PIRT: variants seen among roughly 807,000 people sequenced by gnomAD.
The protein encoded by PIRT is phosphoinositide-interacting protein.
In PIRT, 6 loss-of-function variants were observed where a neutral mutation model predicts 7.9. The ratio of observed to expected loss-of-function variants is 0.76; its 90% CI spans 0.42 to 1.51. The LOEUF (loss-of-function observed/expected upper bound fraction) is 1.51. Among genes scored for constraint, PIRT ranks in the 40% most tolerant of loss-of-function variants. PIRT has a pLI of 0.01. For missense variants in PIRT, 170 were observed against 172.9 expected (o/e 0.98, Z 0.09); for synonymous variants, 78 against 71.8 (o/e 1.09, Z -0.44).
At chr17:10,828,268 G>A (rs532070146) in intron 1 of PIRT, among the ~76,000 whole-genome samples, 2 of 152,166 alleles carry the variant, frequency 1.3e-5, no homozygotes, top group African/African-American at 4.8e-5. Context: ...GTTCTCTGAG[G>A]GTCCCTTGCC....
chr17:10,822,791 T>C lies in PIRT; in HGVS notation c.*2441A>G, dbSNP rs117260510. On this transcript the variant is annotated 3_prime_UTR_variant, in exon 2 of 2. Transcript: ENST00000580256. ...GGAACCTTTCCAGCCCACACTCATG[T>C]GGAGGATCCCAGTGGGGATGACGAT... 0.035 allele frequency: 5,333 copies of C among 152,308 alleles called. 119 individuals carry two copies. Among genetic ancestry groups the C allele is most frequent in the Middle Eastern group, 0.061 (18 of 294 alleles). 9.4% of individuals were successfully genotyped at this position (152,308 alleles called of 1,614,324 possible).
intron 1 of PIRT, among the ~76,000 whole-genome samples, chr17:10,827,633 C>T (rs766583493): frequency 6.6e-5 from 10 of 151,796 alleles, no homozygotes; most frequent in Admixed American, 2.0e-4. Context: ...CACCACCACA[C>T]GCAGCTAATT....
intron 1 of PIRT, among the ~76,000 whole-genome samples, chr17:10,835,695 G>A (rs1326456731): frequency 6.6e-6 from 1 of 152,262 alleles, no homozygotes; most frequent in South Asian, 2.1e-4. Context: ...CCAGCAAGCA[G>A]CAAGAGGCCA....
Position 10,825,717 on chromosome 17 carries a change from C to T in PIRT, c.-72G>A, listed in dbSNP as rs1384151400. 3.5e-6 allele frequency: 5 copies of T among 1,418,130 alleles called. No individual in the cohort carries two copies. Among genetic ancestry groups the T allele is most frequent in the Admixed American group, 2.9e-5 (1 of 34,524 alleles). 87.8% of individuals were successfully genotyped at this position (1,418,130 alleles called of 1,614,324 possible). A position where few individuals can be genotyped will look rare whatever the true frequency, so the allele number is the denominator to read the frequency against. ...GAGTGGAGCCAAAGGAATCCTCACA[C>T]ACCCTTCCTGTACTCAGCATCCATC... On this transcript the variant is annotated 5_prime_UTR_variant, in exon 2 of 2. It adds an upstream start codon to the 5' untranslated region. Coordinates refer to ENST00000580256, the MANE Select transcript of PIRT (RefSeq NM_001101387.2).
At chr17:10,829,043 T>C (rs111903946) in intron 1 of PIRT, among the ~76,000 whole-genome samples, 5 of 152,348 alleles carry the variant, frequency 3.3e-5, no homozygotes, top group African/African-American at 1.2e-4. Context: ...GGTGATTTTT[T>C]TCCCCCTGTG....
At chr17:10,832,603 TAAAC>T (rs1335047464) in intron 1 of PIRT, among the ~76,000 whole-genome samples, 1 of 152,236 alleles carries the variant, frequency 6.6e-6, no homozygotes, top group African/African-American at 2.4e-5. Context: ...ATAAAATGCT[TAAAC>T]AAAGACAATT....
At chr17:10,830,804 C>T (rs1290362483) in intron 1 of PIRT, among the ~76,000 whole-genome samples, 5 of 152,122 alleles carry the variant, frequency 3.3e-5, no homozygotes, top group Non-Finnish European at 7.4e-5. Flanking sequence ...GGCTTTTTAA[C>T]AATGGCACTG....
chr17:10,825,936 A>G (rs1350244548), intron 1 of PIRT, among the ~76,000 whole-genome samples, 153 bp from the exon 2 acceptor site: 1 of 152,150 alleles, frequency 6.6e-6, no homozygotes, highest in African/African-American at 2.4e-5. Context: ...CCATTTTAGA[A>G]ACAAACAAGT....
At chr17:10,830,692 C>T (rs899862278) in intron 1 of PIRT, among the ~76,000 whole-genome samples, 2 of 152,166 alleles carry the variant, frequency 1.3e-5, no homozygotes, top group African/African-American at 4.8e-5. Context: ...AGCTTGAAAT[C>T]TGAAAATTGA....
intron 1 of PIRT, among the ~76,000 whole-genome samples, chr17:10,835,743 C>T (rs964161983): frequency 6.6e-6 from 1 of 152,232 alleles, no homozygotes; most frequent in Non-Finnish European, 1.5e-5. Flanking sequence ...AAAGTCACCA[C>T]TGTCACCATG....
chr17:10,836,841 A>G (rs1905603759), intron 1 of PIRT, among the ~76,000 whole-genome samples: 1 of 152,172 alleles, frequency 6.6e-6, no homozygotes. Context: ...ATTCCTGTGG[A>G]AGACCCAGAG....
At position 10,837,927 on chromosome 17, in the gene PIRT, C is replaced by T. The variant is rs539150506; in HGVS notation, c.-139+18G>A. 1 of 152,268 alleles carries T rather than the reference C, an allele frequency of 6.6e-6. No homozygotes were observed. Among genetic ancestry groups the T allele is most frequent in the African/African-American group, 2.4e-5 (1 of 41,470 alleles). 9.4% of individuals were successfully genotyped at this position (152,268 alleles called of 1,614,324 possible). ...AGATGGAAGGAAGGGCAGAAGGAAA[C>T]ATTCCCTCCTTACTTACTGTCCTCG... On this transcript the variant is annotated intron_variant, in intron 1 of 1. Coordinates refer to ENST00000580256, the MANE Select transcript of PIRT (RefSeq NM_001101387.2).
At chr17:10,828,654 C>T (rs901075438) in intron 1 of PIRT, among the ~76,000 whole-genome samples, 2 of 152,152 alleles carry the variant, frequency 1.3e-5, no homozygotes, top group Admixed American at 6.5e-5. Context: ...ACACATGTTA[C>T]ACAGAGAGGA....
At chr17:10,835,666 C>T (rs766684532) in intron 1 of PIRT, among the ~76,000 whole-genome samples, 24 of 152,348 alleles carry the variant, frequency 1.6e-4, no homozygotes, top group Non-Finnish European at 2.8e-4. Context: ...CCAAGGACGC[C>T]GGGGTCCCCG....
At chr17:10,837,715 G>A (rs1369211775) in intron 1 of PIRT, among the ~76,000 whole-genome samples, 3 of 152,144 alleles carry the variant, frequency 2.0e-5, no homozygotes, top group Non-Finnish European at 2.9e-5. Flanking sequence ...ACAGCAAGGG[G>A]CGGCCCCCCT....
intron 1 of PIRT, among the ~76,000 whole-genome samples, chr17:10,833,895 C>T (rs1905522372): frequency 6.6e-6 from 1 of 152,020 alleles, no homozygotes; most frequent in African/African-American, 2.4e-5. Context: ...TGATGTTTAA[C>T]AGGAAAATAC....
At chr17:10,833,207 C>A (rs776253063) in intron 1 of PIRT, among the ~76,000 whole-genome samples, 23 of 152,102 alleles carry the variant, frequency 1.5e-4, no homozygotes, top group Non-Finnish European at 3.2e-4. Context: ...TTGACGTCAT[C>A]AACAAAAACT....
chr17:10,827,167 A>G (rs1170964806), intron 1 of PIRT, among the ~76,000 whole-genome samples: 1 of 152,110 alleles, frequency 6.6e-6, no homozygotes, highest in Non-Finnish European at 1.5e-5. Flanking sequence ...CTCCATGTTA[A>G]TTACATCAAG....
intron 1 of PIRT, among the ~76,000 whole-genome samples, chr17:10,828,869 T>C (rs1905396584): frequency 6.6e-6 from 1 of 152,230 alleles, no homozygotes; most frequent in African/African-American, 2.4e-5. Flanking sequence ...ATAGGAGTTG[T>C]AACCAAGGCC....
Sources: gnomAD v4.1 joint callset for allele counts (sites outside exome capture counted in the v4.1 genomes callset) on GRCh38, gnomAD v4.1.1 for gene constraint, MANE v1.5 for transcripts, NCBI Gene and HGNC (gene_info 2026-07-23, HGNC 2026-07-21) for gene names.